GRHL2: variants seen among roughly 807,000 people sequenced by gnomAD.
GRHL2 encodes grainyhead-like protein 2 homolog.
A neutral mutation model predicts 83.8 loss-of-function variants in GRHL2; 21 were observed. That is an observed-to-expected ratio of 0.25 (90% CI 0.18 to 0.36). The LOEUF (loss-of-function observed/expected upper bound fraction) is 0.36. Among genes scored for constraint, GRHL2 ranks in the 10% least tolerant of loss-of-function variants. The probability of loss-of-function intolerance (pLI) is 1.00; values close to 1 mark genes in which losing one functional copy is unlikely to be tolerated. For missense variants in GRHL2, 623 were observed against 781.8 expected (o/e 0.80, Z 2.42); for synonymous variants, 280 against 278.9 (o/e 1.00, Z -0.04).
chr8:101,672,449 T>TATC (rs1814226182), downstream of GRHL2, among the ~76,000 whole-genome samples: 1 of 151,476 alleles, frequency 6.6e-6, no homozygotes, highest in Non-Finnish European at 1.5e-5. Flanking sequence ...GAAGAAAGGG[T>TATC]ATCAGCAATG....
At chr8:101,559,244 GC>G in intron 4 of GRHL2, among the ~76,000 whole-genome samples, 1 of 151,800 alleles carries the variant, frequency 6.6e-6, no homozygotes, top group Admixed American at 6.6e-5. Flanking sequence ...GGACGCGGTG[GC>G]TCATGCCTGT....
intron 2 of GRHL2, among the ~76,000 whole-genome samples, chr8:101,546,378 A>G (rs1302241472): frequency 6.6e-6 from 1 of 151,990 alleles, no homozygotes; most frequent in Non-Finnish European, 1.5e-5. Flanking sequence ...TTAGTGAGAA[A>G]GAGAAGCATA....
chr8:101,632,137 T>G, intron 10 of GRHL2, 89 bp from the exon 11 acceptor site: 278 of 1,390,602 alleles, frequency 2.0e-4, no homozygotes, highest in Non-Finnish European at 2.6e-4. Context: ...AAGCTTCATA[T>G]GAGAAAATCG....
At chr8:101,576,365 C>T (rs1811933852) in intron 6 of GRHL2, among the ~76,000 whole-genome samples, 1 of 151,886 alleles carries the variant, frequency 6.6e-6, no homozygotes, top group Non-Finnish European at 1.5e-5. Context: ...CAGACGTGCA[C>T]CACCATGCCT....
At chr8:101,542,680 A>T (rs1000579923) in intron 1 of GRHL2, 13 of 453,148 alleles carry the variant, frequency 2.9e-5, no homozygotes, top group African/African-American at 2.4e-4. Flanking sequence ...AGAATACCTG[A>T]CCCTGGGTAG....
At chr8:101,586,668 A>G (rs1055489528) in intron 7 of GRHL2, among the ~76,000 whole-genome samples, 1 of 152,174 alleles carries the variant, frequency 6.6e-6, no homozygotes, top group Non-Finnish European at 1.5e-5. Flanking sequence ...GAATCTTTGT[A>G]TGCTTAGCAG....
intron 13 of GRHL2, 89 bp downstream of exon 13, chr8:101,644,314 A>C (rs1337115028): frequency 1.1e-5 from 11 of 1,014,140 alleles, no homozygotes; most frequent in Middle Eastern, 5.8e-4. Flanking sequence ...CCAGGCCCCC[A>C]TGGCTCTGTG....
intron 7 of GRHL2, among the ~76,000 whole-genome samples, chr8:101,586,300 A>G (rs1417199470): frequency 6.6e-6 from 1 of 151,850 alleles, no homozygotes; most frequent in African/African-American, 2.4e-5. Flanking sequence ...TCAATCCAAC[A>G]TAATCTGTCT....
chr8:101,636,724 T>TACACACACACACAC (rs3029438), intron 11 of GRHL2, 173 bp from the exon 12 acceptor site: 27 of 483,694 alleles, frequency 5.6e-5, no homozygotes, highest in Admixed American at 1.3e-4. Context: ...TCCTTAGAAA[T>TACACACACACACAC]ACACACACAC....
In GRHL2 at chr8:101,664,537, T is replaced by G; in HGVS notation, c.1763+19T>G. 3 of 1,552,208 alleles carry G rather than the reference T, an allele frequency of 1.9e-6. No homozygotes were observed. Among genetic ancestry groups the G allele is most frequent in the Non-Finnish European group, 1.8e-6 (2 of 1,124,288 alleles). ...AAAAAGGGTAAGAAAGAAACTGAAC[T>G]TAAATTGACTTTCAAATCAGATAAA... is the stretch of plus-strand genomic sequence containing the variant. On this transcript the variant is annotated intron_variant, in intron 15 of 15. Coordinates refer to ENST00000646743, the MANE Select transcript of GRHL2 (RefSeq NM_024915.4).
chr8:101,518,298 G>A (rs913462548), intron 1 of GRHL2, among the ~76,000 whole-genome samples: 4 of 152,190 alleles, frequency 2.6e-5, no homozygotes, highest in African/African-American at 9.6e-5. Flanking sequence ...TGTAATCCCA[G>A]CTACTTGGGA....
intron 4 of GRHL2, among the ~76,000 whole-genome samples, chr8:101,567,091 A>C (rs1470913319): frequency 2.0e-5 from 3 of 152,230 alleles, no homozygotes; most frequent in Admixed American, 2.0e-4. Context: ...ACAGTTAAAG[A>C]ATCATTGTCT....
intron 7 of GRHL2, among the ~76,000 whole-genome samples, chr8:101,593,655 C>T (rs1178481002): frequency 6.6e-6 from 1 of 152,030 alleles, no homozygotes. Flanking sequence ...ACTCCCAGAA[C>T]CTGTAAATAT....
At chr8:101,543,743 CT>C (rs1484277607) in intron 2 of GRHL2, 1 of 377,260 alleles carries the variant, frequency 2.7e-6, no homozygotes, top group African/African-American at 2.1e-5. Flanking sequence ...GCTATGTTTA[CT>C]TTAGGATTAT....
At chr8:101,506,763 A>G (rs1810348045) in intron 1 of GRHL2, among the ~76,000 whole-genome samples, 2 of 152,220 alleles carry the variant, frequency 1.3e-5, no homozygotes, top group Admixed American at 1.3e-4. Flanking sequence ...TGTTCTACCA[A>G]CAGTGTTTGA....
At chr8:101,508,893 A>G (rs1810392779) in intron 1 of GRHL2, among the ~76,000 whole-genome samples, 1 of 151,842 alleles carries the variant, frequency 6.6e-6, no homozygotes, top group Non-Finnish European at 1.5e-5. Flanking sequence ...ATAATTTAGG[A>G]AAAAAAAGCA....
chr8:101,581,207 G>A (rs1018902565), intron 7 of GRHL2, among the ~76,000 whole-genome samples: 2 of 152,188 alleles, frequency 1.3e-5, no homozygotes, highest in Non-Finnish European at 2.9e-5. Flanking sequence ...CTTGGCTGCT[G>A]CTAGTTCTGA....
chr8:101,550,420 C>G (rs964523660), intron 2 of GRHL2, among the ~76,000 whole-genome samples: 2 of 152,122 alleles, frequency 1.3e-5, no homozygotes, highest in African/African-American at 4.8e-5. Context: ...ATGTTTAGCT[C>G]CCATTTATAA....
In GRHL2 at chr8:101,615,265, C is replaced by T. The variant is rs185952025; in HGVS notation, c.1099-4274C>T. ...CAGTGGATCTGGTGGGTCTGTCCCA[C>T]TTAAATGGCCCTTGTAAATATTCAC... On this transcript the variant is annotated intron_variant, in intron 8 of 15. Transcript: ENST00000646743. Among the ~76,000 whole-genome samples, 196 of 152,312 alleles carry T rather than the reference C, an allele frequency of 1.3e-3. 1 individual carries two copies. Among genetic ancestry groups the T allele is most frequent in the African/African-American group, 4.4e-3 (183 of 41,548 alleles).
Sources: allele counts gnomAD v4.1 joint callset (sites outside exome capture counted in the v4.1 genomes callset), GRCh38; gene constraint gnomAD v4.1.1; transcripts MANE v1.5; gene names NCBI Gene and HGNC (gene_info 2026-07-23, HGNC 2026-07-21).